Variants in CMIP observed in about 807,000 individuals in gnomAD.
CMIP encodes c-Maf inducing protein.
In CMIP, 13 loss-of-function variants were observed where a neutral mutation model predicts 97.3. The ratio of observed to expected loss-of-function variants is 0.13; its 90% CI spans 0.09 to 0.21. The LOEUF is 0.21. CMIP is among the 10% of genes least tolerant of loss of function. CMIP has a pLI of 1.00. For synonymous variants in CMIP, 538 were observed against 436.3 expected (o/e 1.23, Z -2.91); for missense variants, 847 against 1,024.9 (o/e 0.83, Z 2.37).
chr16:81,660,790 T>G, intron 5 of CMIP, 94 bp from the exon 6 acceptor site: 1 of 1,363,524 alleles, frequency 7.3e-7, no homozygotes, highest in Non-Finnish European at 1.0e-6. Flanking sequence ...TCTGCATTTA[T>G]TTTTTTCACT....
chr16:81,535,208 C>T (rs965499531), intron 1 of CMIP, among the ~76,000 whole-genome samples: 30 of 152,260 alleles, frequency 2.0e-4, no homozygotes, highest in African/African-American at 7.2e-4. Context: ...CCTCAACCTC[C>T]CAAAGTGCTG....
chr16:81,706,401 G>T (rs966779240), intron 19 of CMIP, among the ~76,000 whole-genome samples: 4 of 152,224 alleles, frequency 2.6e-5, no homozygotes, highest in African/African-American at 9.6e-5. Context: ...GGAGGAGGTG[G>T]GAGCAGGTGA....
chr16:81,696,779 C>T, intron 14 of CMIP, 112 bp downstream of exon 14: 1 of 888,378 alleles, frequency 1.1e-6, no homozygotes, highest in Non-Finnish European at 1.7e-6. Flanking sequence ...AGTTTCCCGG[C>T]TAACACAGTG....
chr16:81,622,392 CTCTT>C (rs919232996), intron 3 of CMIP, among the ~76,000 whole-genome samples: 46 of 152,284 alleles, frequency 3.0e-4, no homozygotes, highest in African/African-American at 1.0e-3. Flanking sequence ...GCCTGGGTCT[CTCTT>C]TGTGCCCGGG....
In CMIP at chr16:81,593,919, C is replaced by T. The variant is rs1264517618; in HGVS notation, c.301-13648C>T. Among the ~76,000 whole-genome samples, 6 of 151,926 alleles carry T rather than the reference C, an allele frequency of 3.9e-5. No individual in the cohort carries two copies. The South Asian group carries it at 6.2e-4, about 16-fold the overall frequency. ...CACCCTTAAGGCAGGTACAGTATTC[C>T]TTCCCTTCCCTCTTCCCTCTACCCT... On this transcript the variant is annotated intron_variant, in intron 1 of 20. Transcript: ENST00000537098.
At chr16:81,594,780 A>ATTTTTTTTTTT (rs570057427) in intron 1 of CMIP, among the ~76,000 whole-genome samples, 8 of 115,076 alleles carry the variant, frequency 7.0e-5, no homozygotes, top group Non-Finnish European at 1.2e-4. Context: ...CGCCCAGCTA[A>ATTTTTTTTTTT]TTTTTTTTTT....
chr16:81,578,367 T>TACAGA (rs1412345387), intron 1 of CMIP, among the ~76,000 whole-genome samples: 1 of 152,218 alleles, frequency 6.6e-6, no homozygotes, highest in East Asian at 1.9e-4. Flanking sequence ...TCATAAAGAG[T>TACAGA]ACAGAGTCCC....
At chr16:81,671,854 C>A (rs1478738380) in intron 8 of CMIP, 112 bp from the exon 9 acceptor site, 5 of 583,590 alleles carry the variant, frequency 8.6e-6, no homozygotes, top group South Asian at 2.2e-5. Flanking sequence ...CCAAGTGGCG[C>A]TGGCAGAGCG....
At chr16:81,644,253 G>C (rs187583909) in intron 3 of CMIP, among the ~76,000 whole-genome samples, 2 of 152,184 alleles carry the variant, frequency 1.3e-5, no homozygotes, top group African/African-American at 4.8e-5. Context: ...TATTTCACTG[G>C]AAATGTGCAC....
intron 2 of CMIP, chr16:81,619,513 T>C (rs1024026319): frequency 6.6e-6 from 1 of 152,220 alleles, no homozygotes; most frequent in Non-Finnish European, 1.5e-5. Flanking sequence ...AGAAGGTGGA[T>C]GTTCGTGCTT....
At chr16:81,456,277 C>G (rs553741725) in intron 1 of CMIP, among the ~76,000 whole-genome samples, 1 of 152,336 alleles carries the variant, frequency 6.6e-6, no homozygotes, top group South Asian at 2.1e-4. Context: ...CAGTCATTCT[C>G]AGACCTTTAG....
At chr16:81,683,210 C>G (rs994533829) in intron 10 of CMIP, among the ~76,000 whole-genome samples, 23 of 152,198 alleles carry the variant, frequency 1.5e-4, no homozygotes, top group Non-Finnish European at 2.6e-4. Flanking sequence ...TGCTGTAAAG[C>G]TCAGATGGGG....
At chr16:81,563,101 G>C (rs2090916346) in intron 1 of CMIP, among the ~76,000 whole-genome samples, 1 of 152,240 alleles carries the variant, frequency 6.6e-6, no homozygotes. Flanking sequence ...TTTGCACAAA[G>C]CCTCCCCCAG....
chr16:81,571,233 G>A (rs1195205467), intron 1 of CMIP, among the ~76,000 whole-genome samples: 3 of 152,174 alleles, frequency 2.0e-5, no homozygotes, highest in Non-Finnish European at 4.4e-5. Context: ...CATTTGGGAG[G>A]CTCAGGTGGG....
At chr16:81,533,438 A>T (rs906133701) in intron 1 of CMIP, among the ~76,000 whole-genome samples, 2 of 152,086 alleles carry the variant, frequency 1.3e-5, no homozygotes, top group Non-Finnish European at 2.9e-5. Flanking sequence ...TATGTGCATG[A>T]TTTTTTATAT....
intron 9 of CMIP, among the ~76,000 whole-genome samples, chr16:81,673,763 A>C (rs113411176): frequency 3.3e-5 from 5 of 152,318 alleles, no homozygotes; most frequent in African/African-American, 1.2e-4. Flanking sequence ...AACTTTCTGC[A>C]GTGACCTCTG....
chr16:81,603,160 A>G (rs74744901), intron 1 of CMIP, among the ~76,000 whole-genome samples: 7,542 of 152,184 alleles, frequency 0.05, 337 homozygotes, highest in East Asian at 0.28. Context: ...GCTCACTGCA[A>G]GCTTCACCTC....
intron 2 of CMIP, among the ~76,000 whole-genome samples, chr16:81,610,760 C>T (rs534779829): frequency 1.3e-5 from 2 of 152,240 alleles, no homozygotes; most frequent in African/African-American, 2.4e-5. Flanking sequence ...GTGCACTTGG[C>T]CCCTGGTGTG....
chr16:81,449,639 TG>T lies in CMIP; in HGVS notation c.300+4099del, dbSNP rs374371760. 2.8e-4 allele frequency among the ~76,000 whole-genome samples: 42 copies of T among 149,420 alleles called. 1 individual carries two copies. The East Asian group carries it at 8.1e-3, about 29-fold the overall frequency. ...CCTAGCCTGCCTTTAATTTATTTGATGTTTTTTTGTGGCAGTAAACACACAG... is the reference window on the plus strand; with the variant it reads ...CCTAGCCTGCCTTTAATTTATTTGATTTTTTTTGTGGCAGTAAACACACAG... On this transcript the variant is annotated intron_variant, in intron 1 of 20. Coordinates refer to ENST00000537098, the MANE Select transcript of CMIP (RefSeq NM_198390.3).
Sources: allele counts gnomAD v4.1 joint callset (sites outside exome capture counted in the v4.1 genomes callset), GRCh38; gene constraint gnomAD v4.1.1; transcripts MANE v1.5; gene names NCBI Gene and HGNC (gene_info 2026-07-23, HGNC 2026-07-21).